Variants in GALNT17 observed in about 807,000 individuals in gnomAD.
GALNT17 encodes UDP-GalNAc:polypeptide N-acetylgalactosaminyltransferase-like 3.
In GALNT17, 29 loss-of-function variants were observed where a neutral mutation model predicts 63.7. The observed-to-expected ratio is 0.46, with a 90% CI of 0.34 to 0.62. The LOEUF is 0.62. GALNT17 is among the 20% of genes least tolerant of loss of function. The pLI, the probability that GALNT17 is intolerant of heterozygous loss-of-function variation, is 0.01. For missense variants in GALNT17, 603 were observed against 799.6 expected (o/e 0.75, Z 2.97); for synonymous variants, 305 against 318.3 (o/e 0.96, Z 0.45).
intron 6 of GALNT17, among the ~76,000 whole-genome samples, chr7:71,630,471 A>G (rs771269203): frequency 2.6e-5 from 4 of 152,016 alleles, no homozygotes; most frequent in East Asian, 1.9e-4. Context: ...CTGCATTTCT[A>G]TCTCTTTTCA....
intron 1 of GALNT17, among the ~76,000 whole-genome samples, chr7:71,298,277 C>T (rs1383541561): frequency 1.3e-5 from 2 of 152,138 alleles, no homozygotes; most frequent in Non-Finnish European, 1.5e-5. Flanking sequence ...GCCTGGGCCT[C>T]CCAAAGTGCT....
intron 5 of GALNT17, among the ~76,000 whole-genome samples, chr7:71,450,139 AT>A (rs55881759): frequency 0.54 from 70,593 of 129,880 alleles, 19,325 homozygotes; most frequent in Non-Finnish European, 0.67. Flanking sequence ...GTATTTAAAG[AT>A]TTTTTTTTTT....
intron 5 of GALNT17, among the ~76,000 whole-genome samples, chr7:71,561,703 A>G (rs754814665): frequency 6.6e-6 from 1 of 152,180 alleles, no homozygotes; most frequent in Non-Finnish European, 1.5e-5. Flanking sequence ...GGGGTCTAAG[A>G]GAATGTCAAG....
At chr7:71,187,053 A>G (rs1331064402) in intron 1 of GALNT17, among the ~76,000 whole-genome samples, 1 of 152,196 alleles carries the variant, frequency 6.6e-6, no homozygotes, top group African/African-American at 2.4e-5. Flanking sequence ...ACCCAGCTGC[A>G]GTGTGAGAAG....
At chr7:71,433,761 A>C (rs1229262581) in intron 5 of GALNT17, among the ~76,000 whole-genome samples, 1 of 152,188 alleles carries the variant, frequency 6.6e-6, no homozygotes, top group Non-Finnish European at 1.5e-5. Context: ...TTTAGAAACC[A>C]AGTCTGATGG....
In GALNT17 at chr7:71,360,281, A is replaced by G. The variant is rs562801319; in HGVS notation, c.422+24548A>G. 7.4e-4 allele frequency among the ~76,000 whole-genome samples: 112 copies of G among 152,316 alleles called. 1 individual carries two copies. The highest frequency in any genetic ancestry group is 2.7e-3 in the African/African-American group (112 of 41,574). On this transcript the variant is annotated intron_variant, in intron 2 of 10. Transcript: ENST00000333538. ...GTTCAAAAATTCATTCATCCGATCG[A>G]CCAGATATAAATTATGACTACTAAC... is the stretch of plus-strand genomic sequence containing the variant.
chr7:71,681,632 AT>A (rs1791263878), intron 9 of GALNT17, among the ~76,000 whole-genome samples: 1 of 152,216 alleles, frequency 6.6e-6, no homozygotes, highest in Admixed American at 6.5e-5. Flanking sequence ...CTTTTAGGCA[AT>A]TACTCCAAGA....
intron 1 of GALNT17, among the ~76,000 whole-genome samples, chr7:71,175,181 T>A (rs1406795202): frequency 1.3e-5 from 2 of 152,102 alleles, no homozygotes; most frequent in African/African-American, 4.8e-5. Context: ...CCTTTCCATC[T>A]ATCCATCCGT....
At chr7:71,143,414 A>T (rs1787954046) in intron 1 of GALNT17, among the ~76,000 whole-genome samples, 1 of 151,600 alleles carries the variant, frequency 6.6e-6, no homozygotes, top group African/African-American at 2.4e-5. Context: ...TCTCAAAAAA[A>T]AAAAAAAAAA....
At chr7:71,437,462 T>G (rs1329638762) in intron 5 of GALNT17, among the ~76,000 whole-genome samples, 1 of 152,192 alleles carries the variant, frequency 6.6e-6, no homozygotes, top group Middle Eastern at 3.2e-3. Context: ...TAAAGGAGCA[T>G]CATGATCAAC....
chr7:71,665,025 T>C (rs1790963129), intron 6 of GALNT17, among the ~76,000 whole-genome samples: 1 of 152,230 alleles, frequency 6.6e-6, no homozygotes, highest in African/African-American at 2.4e-5. Flanking sequence ...TCACCCAGGC[T>C]GGCGTGAAGT....
intron 8 of GALNT17, among the ~76,000 whole-genome samples, chr7:71,672,830 C>T (rs1406031273): frequency 1.3e-5 from 2 of 152,034 alleles, no homozygotes; most frequent in East Asian, 1.9e-4. Flanking sequence ...GGGTTACAGG[C>T]GTGATTTTAA....
chr7:71,467,411 A>G (rs533814968), intron 5 of GALNT17, among the ~76,000 whole-genome samples: 1 of 152,318 alleles, frequency 6.6e-6, no homozygotes, highest in South Asian at 2.1e-4. Flanking sequence ...AGTAAATATC[A>G]GTTGTCTGTA....
chr7:71,566,025 T>A (rs1437284696), intron 5 of GALNT17, among the ~76,000 whole-genome samples: 1 of 66,980 alleles, frequency 1.5e-5, no homozygotes, highest in East Asian at 3.7e-4. Context: ...GTGGGTTTTG[T>A]TTGTTTGTTT....
intron 1 of GALNT17, among the ~76,000 whole-genome samples, chr7:71,243,843 G>T (rs1011135212): frequency 4.6e-5 from 7 of 152,154 alleles, no homozygotes; most frequent in Admixed American, 1.3e-4. Flanking sequence ...GTTCATAAAA[G>T]GACTGAAACA....
chr7:71,603,921 TGC>T (rs1790007132), intron 6 of GALNT17, among the ~76,000 whole-genome samples: 3 of 123,176 alleles, frequency 2.4e-5, no homozygotes, highest in Admixed American at 2.3e-4. Flanking sequence ...CTATGCTAAG[TGC>T]ATTTACCAGG....
At chr7:71,560,995 C>A (rs1230321670) in intron 5 of GALNT17, among the ~76,000 whole-genome samples, 1 of 152,062 alleles carries the variant, frequency 6.6e-6, no homozygotes, top group Non-Finnish European at 1.5e-5. Flanking sequence ...ACAAAATGCA[C>A]TGAAATGAGT....
chr7:71,423,881 C>T (rs977704471), intron 5 of GALNT17, among the ~76,000 whole-genome samples: 5 of 152,000 alleles, frequency 3.3e-5, no homozygotes, highest in Admixed American at 3.3e-4. Context: ...GTGATCACTC[C>T]TCTGCACTCC....
intron 5 of GALNT17, among the ~76,000 whole-genome samples, chr7:71,570,286 T>C (rs754673852): frequency 3.3e-5 from 5 of 152,312 alleles, no homozygotes; most frequent in Admixed American, 6.5e-5. Context: ...CTCTGCGGGC[T>C]GAGGTCATGC....
Sources: allele counts gnomAD v4.1 joint callset (sites outside exome capture counted in the v4.1 genomes callset), GRCh38; gene constraint gnomAD v4.1.1; transcripts MANE v1.5; gene names NCBI Gene and HGNC (gene_info 2026-07-23, HGNC 2026-07-21).